The following TENM1 variants were observed in gnomAD, a reference collection of about 807,000 sequenced individuals.
TENM1 encodes the protein teneurin transmembrane protein 1, also known as teneurin-1.
Under a neutral mutation model 174.8 loss-of-function variants are expected in TENM1, and 35 were observed. The observed-to-expected ratio is 0.20, with a 90% CI of 0.15 to 0.27. The LOEUF (loss-of-function observed/expected upper bound fraction) is 0.27. Among genes scored for constraint, TENM1 ranks in the 10% least tolerant of loss-of-function variants. The pLI is 1.00. For missense variants in TENM1, 1,633 were observed against 2,130.1 expected (o/e 0.77, Z 4.59); for synonymous variants, 781 against 798.7 (o/e 0.98, Z 0.37).
intron 3 of TENM1, among the ~76,000 whole-genome samples, chrX:124,753,670 C>T (rs921121227): frequency 1.8e-5 from 2 of 111,043 alleles, no homozygotes; most frequent in Non-Finnish European, 3.8e-5. Flanking sequence ...CCCATTAATA[C>T]CTAATTTATT....
At chrX:124,727,197 T>C (rs941574350) in intron 4 of TENM1, among the ~76,000 whole-genome samples, 1 of 112,575 alleles carries the variant, frequency 8.9e-6, no homozygotes, top group African/African-American at 3.2e-5. Flanking sequence ...CTGATTTGTC[T>C]TTGTGAACTG....
chrX:125,191,994 T>C, the TENM1 span, among the ~76,000 whole-genome samples: 27 of 110,462 alleles, frequency 2.4e-4, no homozygotes, highest in African/African-American at 8.9e-4. Context: ...CACAGGGTAC[T>C]TCCCTCTGGA....
chrX:124,578,607 G>A (rs1213771719), intron 11 of TENM1, among the ~76,000 whole-genome samples: 3 of 111,927 alleles, frequency 2.7e-5, no homozygotes, highest in Admixed American at 9.5e-5. Flanking sequence ...GGGTACATAA[G>A]TATTACATAA....
At chrX:124,923,400 G>A (rs775243877) in intron 1 of TENM1, among the ~76,000 whole-genome samples, 2 of 111,720 alleles carry the variant, frequency 1.8e-5, no homozygotes, top group East Asian at 2.8e-4. Flanking sequence ...GCTAAAATGC[G>A]TAAATCTGAG....
At chrX:124,725,386 T>C (rs1321112565) in intron 4 of TENM1, among the ~76,000 whole-genome samples, 2 of 111,967 alleles carry the variant, frequency 1.8e-5, no homozygotes, top group Non-Finnish European at 3.8e-5. Context: ...TAAAATAAAT[T>C]CATTATATTA....
intron 10 of TENM1, 141 bp from the exon 14 acceptor site, chrX:124,642,132 C>G (rs1411045394): frequency 1.6e-5 from 8 of 495,110 alleles, no homozygotes; most frequent in Non-Finnish European, 2.8e-5. Flanking sequence ...AATAAAATGA[C>G]TCATGCAAAC....
intron 3 of TENM1, among the ~76,000 whole-genome samples, chrX:124,774,759 A>G (rs1018717568): frequency 3.6e-5 from 4 of 111,497 alleles, no homozygotes; most frequent in Non-Finnish European, 7.5e-5. Flanking sequence ...TACAAGATGG[A>G]GGACCCCTAT....
chrX:124,747,942 C>T (rs2053964491), intron 3 of TENM1, among the ~76,000 whole-genome samples: 1 of 111,648 alleles, frequency 9.0e-6, no homozygotes. Context: ...AATTAAAATG[C>T]AAGCATGTAT....
chrX:125,071,946 T>C, the TENM1 span, among the ~76,000 whole-genome samples: 1 of 111,234 alleles, frequency 9.0e-6, no homozygotes, highest in Non-Finnish European at 1.9e-5. Context: ...AACTATAAGA[T>C]ATTAAAACCA....
chrX:124,716,914 T>C (rs1023009916), intron 4 of TENM1, among the ~76,000 whole-genome samples: 1 of 111,277 alleles, frequency 9.0e-6, no homozygotes, highest in Non-Finnish European at 1.9e-5. Context: ...TATAAAGCCC[T>C]AGGATCAAAG....
At chrX:125,008,128 A>G in the TENM1 span, among the ~76,000 whole-genome samples, 10 of 111,542 alleles carry the variant, frequency 9.0e-5, no homozygotes, top group Admixed American at 5.7e-4. Flanking sequence ...TGCTGTATTC[A>G]GGAGACCAAT....
chrX:124,570,107 C>T (rs1569314029), intron 11 of TENM1, among the ~76,000 whole-genome samples: 2 of 111,249 alleles, frequency 1.8e-5, no homozygotes, highest in Non-Finnish European at 3.8e-5. Flanking sequence ...GCCAATACAT[C>T]TGAAATTTTT....
At chrX:125,149,916 C>T in the TENM1 span, among the ~76,000 whole-genome samples, 1 of 111,418 alleles carries the variant, frequency 9.0e-6, no homozygotes, top group Non-Finnish European at 1.9e-5. Context: ...TTCTAGGGTC[C>T]AACACAGGCA....
intron 1 of TENM1, among the ~76,000 whole-genome samples, chrX:124,914,315 A>G (rs2057886619): frequency 9.0e-6 from 1 of 111,404 alleles, no homozygotes; most frequent in Non-Finnish European, 1.9e-5. Context: ...GAACCTAATG[A>G]TTGGTTCAGG....
the TENM1 span, among the ~76,000 whole-genome samples, chrX:125,124,287 C>G: frequency 8.9e-6 from 1 of 112,158 alleles, no homozygotes; most frequent in South Asian, 3.7e-4. Context: ...AAAATACACT[C>G]TAGCTATTAT....
At chrX:124,630,321 A>G (rs2050728643) in intron 11 of TENM1, among the ~76,000 whole-genome samples, 1 of 111,698 alleles carries the variant, frequency 9.0e-6, no homozygotes, top group Admixed American at 9.5e-5. Flanking sequence ...TCCACTATTA[A>G]CCTCACTGAC....
chrX:124,584,631 A>C lies in TENM1; in HGVS notation c.2078-19071T>G, dbSNP rs867817790. ...GCTAGGAAGAAACCGCATCAACTAAAGAGCAAAATAACCAGCTAACATCAT... is the reference window on the plus strand; with the variant it reads ...GCTAGGAAGAAACCGCATCAACTAACGAGCAAAATAACCAGCTAACATCAT... On this transcript the variant is annotated intron_variant, in intron 11 of 31. Coordinates refer to ENST00000422452, the Ensembl canonical transcript of TENM1. Among the ~76,000 whole-genome samples, 21 of 111,215 alleles carry C rather than the reference A, an allele frequency of 1.9e-4. No individual in the cohort carries two copies. In the Middle Eastern group the frequency reaches 0.014, roughly 74 times the overall value.
chrX:124,631,994 C>T (rs2050771208), intron 11 of TENM1, among the ~76,000 whole-genome samples: 1 of 102,220 alleles, frequency 9.8e-6, no homozygotes, highest in South Asian at 4.9e-4. Context: ...CTCACTGCAA[C>T]CTCTGCCTCC....
the TENM1 span, among the ~76,000 whole-genome samples, chrX:125,124,995 A>G: frequency 1.8e-5 from 2 of 112,597 alleles, no homozygotes; most frequent in African/African-American, 6.5e-5. Context: ...AAATGCCTTC[A>G]GGGTAAACAA....
Sources: allele counts gnomAD v4.1 joint callset (sites outside exome capture counted in the v4.1 genomes callset), GRCh38; gene constraint gnomAD v4.1.1; transcripts MANE v1.5; gene names NCBI Gene and HGNC (gene_info 2026-07-23, HGNC 2026-07-21).